Variants in COL11A1 observed in about 807,000 individuals in gnomAD.
The protein encoded by COL11A1 is collagen type XI alpha 1 chain.
Under a neutral mutation model 265.2 loss-of-function variants are expected in COL11A1, and 74 were observed. That is an observed-to-expected ratio of 0.28 (90% CI 0.23 to 0.34). The LOEUF (loss-of-function observed/expected upper bound fraction) is 0.34, where lower values mean the gene tolerates loss of function less well. COL11A1 is among the 10% of genes least tolerant of loss of function. The pLI is 1.00. For missense variants in COL11A1, 2,165 were observed against 2,263.6 expected (o/e 0.96, Z 0.88); for synonymous variants, 816 against 727.6 (o/e 1.12, Z -1.96).
At chr1:102,950,945 C>T (rs11799623) in intron 41 of COL11A1, among the ~76,000 whole-genome samples, 5,142 of 152,212 alleles carry the variant, frequency 0.034, 312 homozygotes, top group African/African-American at 0.12. Context: ...GCTCTTCCCC[C>T]TTTGCTAGGC....
At chr1:103,035,481 T>G (rs1668295015) in intron 4 of COL11A1, among the ~76,000 whole-genome samples, 1 of 152,078 alleles carries the variant, frequency 6.6e-6, no homozygotes, top group Admixed American at 6.6e-5. Flanking sequence ...CACGATAAAT[T>G]TTGTGGACTT....
At position 103,082,920 on chromosome 1, in the gene COL11A1, T is replaced by A. The variant is rs1047301477; in HGVS notation, c.159A>T (p.Gly53=). The change falls in exon 2 of 67, where the codon GGA becomes GGT. Residue 53 remains glycine, a synonymous_variant. Transcript: ENST00000370096. The stretch of plus-strand genomic sequence containing the variant: ...TGCAAAATCCCGTTGTTTTTGATAT[T>A]CCCTCTGGAGAATTGTGAAAATCTA... ...KALDFHNSPE[G]ISKTTGFCTN... 1 of 1,613,412 alleles carries A rather than the reference T, an allele frequency of 6.2e-7. No homozygotes were observed. Among genetic ancestry groups the A allele is most frequent in the African/African-American group, 1.3e-5 (1 of 74,872 alleles).
chr1:103,017,925 A>C, intron 10 of COL11A1, 43 bp from the exon 11 acceptor site: 528 of 1,450,134 alleles, frequency 3.6e-4, no homozygotes, highest in Non-Finnish European at 4.7e-4. Context: ...TCCTAATCTC[A>C]TTAATATTTA....
intron 54 of COL11A1, among the ~76,000 whole-genome samples, chr1:102,905,120 A>G (rs1557799584): frequency 6.6e-6 from 1 of 150,890 alleles, no homozygotes; most frequent in East Asian, 2.0e-4. Flanking sequence ...AACTATCGCA[A>G]GGACAAAAAA....
chr1:103,068,016 C>T (rs1671285508), intron 4 of COL11A1, among the ~76,000 whole-genome samples: 1 of 151,340 alleles, frequency 6.6e-6, no homozygotes, highest in African/African-American at 2.4e-5. Flanking sequence ...ATCCAGTATT[C>T]AAGAAGGAAA....
intron 54 of COL11A1, among the ~76,000 whole-genome samples, chr1:102,905,918 TAAAC>T (rs1181414175): frequency 1.3e-5 from 2 of 152,110 alleles, no homozygotes. Flanking sequence ...AAATCAACAA[TAAAC>T]AAAACTAACT....
At chr1:102,967,822 G>A (rs1005429123) in intron 37 of COL11A1, among the ~76,000 whole-genome samples, 1 of 152,092 alleles carries the variant, frequency 6.6e-6, no homozygotes. Flanking sequence ...CTTACTAACT[G>A]TGAGAGCAAG....
chr1:103,107,113 C>CG (rs1674753348), intron 1 of COL11A1, among the ~76,000 whole-genome samples: 2 of 152,118 alleles, frequency 1.3e-5, no homozygotes, highest in Middle Eastern at 3.4e-3. Context: ...CGGGAAAGGG[C>CG]GGGGGAAAGA....
At chr1:102,974,351 C>T (rs1662262304) in intron 36 of COL11A1, among the ~76,000 whole-genome samples, 1 of 151,984 alleles carries the variant, frequency 6.6e-6, no homozygotes, top group South Asian at 2.1e-4. Flanking sequence ...ATTCTCATTA[C>T]ATTTTCTAAA....
At chr1:102,932,052 C>G (rs1365599902) in intron 46 of COL11A1, among the ~76,000 whole-genome samples, 1 of 149,788 alleles carries the variant, frequency 6.7e-6, no homozygotes, top group African/African-American at 2.5e-5. Flanking sequence ...ATCCAATTTG[C>G]CAGTCTGTGT....
chr1:103,000,326 C>T (rs1664990046), intron 24 of COL11A1, among the ~76,000 whole-genome samples: 1 of 151,818 alleles, frequency 6.6e-6, no homozygotes, highest in Admixed American at 6.6e-5. Flanking sequence ...TCCAATAGTG[C>T]TGTGCAGCTA....
chr1:103,022,618 C>T, intron 8 of COL11A1, 124 bp downstream of exon 8: 4 of 1,083,182 alleles, frequency 3.7e-6, no homozygotes, highest in Non-Finnish European at 5.5e-6. Context: ...TGGTAATAGG[C>T]ATTCATAATT....
rs192988102 is a variant in COL11A1 at position 103,094,134 on chromosome 1, A to C, written c.107-11162T>G. On this transcript the variant is annotated intron_variant, in intron 1 of 66. Coordinates refer to ENST00000370096, the MANE Select transcript of COL11A1 (RefSeq NM_001854.4). ...GGAAAGAGATTGTGGATATGGAAAA[A>C]AAATGTGGAGGTGTGGGGGCAAAGG... Among the ~76,000 whole-genome samples, 437 of 152,234 alleles carry C rather than the reference A, an allele frequency of 2.9e-3. 3 individuals carry two copies. The highest frequency in any genetic ancestry group is 4.1e-3 in the Non-Finnish European group (282 of 68,002).
At chr1:102,903,893 C>T (rs1371248171) in intron 54 of COL11A1, among the ~76,000 whole-genome samples, 1 of 152,156 alleles carries the variant, frequency 6.6e-6, no homozygotes, top group Non-Finnish European at 1.5e-5. Context: ...CACAGGGTCT[C>T]ACTCAGTTGC....
intron 41 of COL11A1, among the ~76,000 whole-genome samples, chr1:102,953,253 C>A (rs1448354295): frequency 6.6e-6 from 1 of 151,022 alleles, no homozygotes; most frequent in African/African-American, 2.4e-5. Flanking sequence ...TTTGATTTTT[C>A]TTTTTTTTTC....
At position 102,939,441 on chromosome 1, in the gene COL11A1, G is replaced by A. The variant is rs564986116; in HGVS notation, c.3385-353C>T. ...CTTTACCAGCTAGGTTCTGGGTCGC[G>A]CACCTGTAATCCCAGGTTTTGGGAG... On this transcript the variant is annotated intron_variant, in intron 43 of 66. Coordinates refer to ENST00000370096, the MANE Select transcript of COL11A1 (RefSeq NM_001854.4). 4.1e-4 allele frequency among the ~76,000 whole-genome samples: 63 copies of A among 152,242 alleles called. 1 individual carries two copies. The highest frequency in any genetic ancestry group is 1.3e-3 in the African/African-American group (56 of 41,540).
chr1:103,037,577 C>A (rs34138324), intron 4 of COL11A1, among the ~76,000 whole-genome samples: 12,250 of 151,952 alleles, frequency 0.081, 552 homozygotes, highest in Middle Eastern at 0.16. Flanking sequence ...TGTGTTTGGA[C>A]CTTAATAGGA....
chr1:102,917,172 T>C (rs1290867278), intron 49 of COL11A1, among the ~76,000 whole-genome samples: 1 of 151,808 alleles, frequency 6.6e-6, no homozygotes, highest in Non-Finnish European at 1.5e-5. Flanking sequence ...TACAAGGCTG[T>C]AGTAACTAAA....
chr1:102,879,714 G>T lies in COL11A1; in HGVS notation c.5243C>A (p.Pro1748His), dbSNP rs2101006692. The T allele has an allele frequency of 6.2e-7, 1 of 1,613,828 alleles. No individual in the cohort carries two copies. Among genetic ancestry groups the T allele is most frequent in the Non-Finnish European group, 8.5e-7 (1 of 1,179,846 alleles). ...NDEEMSYDNN[P>H]FIKTLYDGCA... The stretch of plus-strand genomic sequence containing the variant: ...ACCATCATACAGTGTTTTGATAAAA[G>T]GATTATTGTCATAGGACATCTCCTC... Residue 1748 changes from proline to histidine, a missense_variant, in exon 66 of 67, where the codon CCT (proline) becomes CAT (histidine). Physicochemically the swap from Pro to His is moderately conservative, Grantham distance 77. Transcript: ENST00000370096.
Sources: allele counts gnomAD v4.1 joint callset (sites outside exome capture counted in the v4.1 genomes callset), GRCh38; gene constraint gnomAD v4.1.1; transcripts MANE v1.5; gene names NCBI Gene and HGNC (gene_info 2026-07-23, HGNC 2026-07-21).